TFEB: variants seen among roughly 807,000 people sequenced by gnomAD.
TFEB encodes T-cell transcription factor EB.
Under a neutral mutation model 48.0 loss-of-function variants are expected in TFEB, and 12 were observed. The observed-to-expected ratio is 0.25, with a 90% CI of 0.16 to 0.40. The LOEUF (loss-of-function observed/expected upper bound fraction) is 0.40. Ranked by LOEUF, TFEB falls within the 10% of genes least tolerant of loss-of-function variation. The probability of loss-of-function intolerance (pLI) is 1.00; values close to 1 mark genes in which losing one functional copy is unlikely to be tolerated. For missense variants in TFEB, 509 were observed against 640.3 expected (o/e 0.79, Z 2.21); for synonymous variants, 244 against 261.4 (o/e 0.93, Z 0.64).
At chr6:41,699,564 C>T (rs1392800948) in intron 1 of TFEB, among the ~76,000 whole-genome samples, 1 of 152,234 alleles carries the variant, frequency 6.6e-6, no homozygotes, top group African/African-American at 2.4e-5. Flanking sequence ...TATATCATGT[C>T]ATTCACTGCA....
chr6:41,728,667 T>C (rs1487486486), intron 1 of TFEB, among the ~76,000 whole-genome samples: 1 of 149,322 alleles, frequency 6.7e-6, no homozygotes, highest in Non-Finnish European at 1.5e-5. Context: ...ACAGACCCAC[T>C]GGTAGAACTC....
At chr6:41,689,416 C>A (rs2127447552) in intron 4 of TFEB, among the ~76,000 whole-genome samples, 1 of 152,294 alleles carries the variant, frequency 6.6e-6, no homozygotes, top group South Asian at 2.1e-4. Flanking sequence ...TCCACCCATG[C>A]AGTGCTCTCC....
chr6:41,714,144 TGTGTGCATGTGCATGC>T (rs1770616616), intron 1 of TFEB, among the ~76,000 whole-genome samples: 1 of 149,714 alleles, frequency 6.7e-6, no homozygotes, highest in Non-Finnish European at 1.5e-5. Flanking sequence ...TGTGTGCGTG[TGTGTGCATGTGCATGC>T]GTGTGCATGT....
At chr6:41,701,877 A>G (rs1769942772) in intron 1 of TFEB, among the ~76,000 whole-genome samples, 1 of 149,708 alleles carries the variant, frequency 6.7e-6, no homozygotes, top group African/African-American at 2.5e-5. Flanking sequence ...CTCAGGAGGC[A>G]GAGGTTGTAA....
intron 1 of TFEB, chr6:41,733,396 C>G (rs1217149092): frequency 6.0e-6 from 1 of 165,420 alleles, no homozygotes; most frequent in East Asian, 1.9e-4. Context: ...AACCAAGATA[C>G]CTGGGTCCCC....
rs756293100 is a variant in TFEB, at chr6:41,684,781, G to C, written c.1249C>G (p.Leu417Val). Reference protein sequence around the residue: ...DEGPPGYPEPLAPGHGSPFPS... With the variant: ...DEGPPGYPEPVAPGHGSPFPS... ...AATGGGGAGCCATGCCCCGGCGCCA[G>C]GGGTTCGGGGTAGCCCGGGGGACCC... Residue 417 changes from leucine to valine, a missense_variant, in exon 9 of 9, where the codon CTG (leucine) becomes GTG (valine). Around this residue, in one of 4 missense-constraint regions of TFEB, gnomAD observed 168 missense variants for 161.0 expected, o/e 1.04. Transcript: ENST00000373033. The C allele has an allele frequency of 6.2e-7, 1 of 1,610,616 alleles. No homozygotes were observed. Among genetic ancestry groups the C allele is most frequent in the Admixed American group, 1.7e-5 (1 of 59,532 alleles).
At chr6:41,728,979 T>C (rs1581938565) in intron 1 of TFEB, among the ~76,000 whole-genome samples, 1 of 152,088 alleles carries the variant, frequency 6.6e-6, no homozygotes, top group African/African-American at 2.4e-5. Flanking sequence ...AGCCACTATA[T>C]ATGAGGCTCT....
intron 1 of TFEB, among the ~76,000 whole-genome samples, chr6:41,726,808 T>C (rs552503303): frequency 6.6e-6 from 1 of 152,370 alleles, no homozygotes; most frequent in African/African-American, 2.4e-5. Flanking sequence ...AACTATGCTA[T>C]ATTTCACAAT....
Position 41,684,522 on chromosome 6 carries a change from A to G in TFEB, c.*77T>C. 1 of 1,484,302 alleles carries G rather than the reference A, an allele frequency of 6.7e-7. No homozygotes were observed. Among genetic ancestry groups the G allele is most frequent in the Non-Finnish European group, 8.9e-7 (1 of 1,119,174 alleles). 91.9% of individuals were successfully genotyped at this position (1,484,302 alleles called of 1,614,324 possible). On this transcript the variant is annotated 3_prime_UTR_variant, in exon 9 of 9. Transcript: ENST00000373033. ...GCTACTTCACACACAGTGCAGCCTG[A>G]AGGGTGGGAGGGAGGTGCCCCTGGC...
chr6:41,709,869 T>G (rs939954023), intron 1 of TFEB, among the ~76,000 whole-genome samples: 3 of 152,154 alleles, frequency 2.0e-5, no homozygotes, highest in African/African-American at 7.2e-5. Flanking sequence ...TCACTGCAGC[T>G]TCACCCTTCC....
intron 1 of TFEB, among the ~76,000 whole-genome samples, chr6:41,714,140 CGTGT>C (rs58309528): frequency 6.9e-6 from 1 of 144,676 alleles, no homozygotes; most frequent in Non-Finnish European, 1.5e-5. Context: ...TGCATGTGTG[CGTGT>C]GTGTGCATGT....
intron 1 of TFEB, among the ~76,000 whole-genome samples, chr6:41,702,554 C>G (rs1224292438): frequency 6.6e-6 from 1 of 152,164 alleles, no homozygotes; most frequent in African/African-American, 2.4e-5. Flanking sequence ...CTGGCCCACC[C>G]CAGCGAACCT....
Position 41,724,864 on chromosome 6 carries a change from T to C in TFEB, c.-23+10486A>G, listed in dbSNP as rs920803103. On this transcript the variant is annotated intron_variant, in intron 1 of 8. Transcript: ENST00000373033. The surrounding 1 kb of genome is among the most constrained non-coding windows in gnomAD (Gnocchi z 4.4). ...CAGCAGCACGAACCAGGACTGAGGT[T>C]CACAGCGGTCACCTGATGCCTCCAG... 1.3e-5 allele frequency among the ~76,000 whole-genome samples: 2 copies of C among 152,116 alleles called. No individual in the cohort carries two copies. The highest frequency in any genetic ancestry group is 1.3e-4 in the Admixed American group (2 of 15,284).
chr6:41,725,690 C>T (rs906480375), intron 1 of TFEB, among the ~76,000 whole-genome samples: 15 of 152,198 alleles, frequency 9.9e-5, no homozygotes, highest in Admixed American at 2.6e-4. Flanking sequence ...ATGCTTCTTT[C>T]CTTGTAAATT....
rs1403481871 is a variant in TFEB, at chr6:41,724,438, A to C, written c.-23+10912T>G. The stretch of plus-strand genomic sequence containing the variant: ...GCAGGCCGTGGCTCCTGGAGAAGGC[A>C]GGAGATGCCAGCAATGTGAGGGAAG... On this transcript the variant is annotated intron_variant, in intron 1 of 8. Coordinates refer to ENST00000373033, the MANE Select transcript of TFEB (RefSeq NM_001271944.2). The surrounding 1 kb of genome is among the most constrained non-coding windows in gnomAD (Gnocchi z 4.4). Among the ~76,000 whole-genome samples, 1 of 152,134 alleles carries C rather than the reference A, an allele frequency of 6.6e-6. No individual in the cohort carries two copies. Among genetic ancestry groups the C allele is most frequent in the Non-Finnish European group, 1.5e-5 (1 of 68,006 alleles).
chr6:41,699,775 G>A (rs1319752030), intron 1 of TFEB, among the ~76,000 whole-genome samples: 1 of 152,222 alleles, frequency 6.6e-6, no homozygotes, highest in African/African-American at 2.4e-5. Context: ...TTGATTGAAA[G>A]GTCCTTGATA....
At chr6:41,693,902 C>G (rs1236376939) in intron 1 of TFEB, among the ~76,000 whole-genome samples, 1 of 152,106 alleles carries the variant, frequency 6.6e-6, no homozygotes, top group Non-Finnish European at 1.5e-5. Context: ...GCCCACCACA[C>G]GCACACTAGC....
At chr6:41,710,324 T>C (rs1183855929) in intron 1 of TFEB, among the ~76,000 whole-genome samples, 1 of 152,046 alleles carries the variant, frequency 6.6e-6, no homozygotes. Flanking sequence ...TCTCAGCAAG[T>C]CCAACTCCAC....
intron 1 of TFEB, among the ~76,000 whole-genome samples, chr6:41,703,647 GA>G (rs1770052842): frequency 6.6e-6 from 1 of 152,254 alleles, no homozygotes; most frequent in Admixed American, 6.5e-5. Context: ...AATGGAGGAA[GA>G]AAGGACAAAA....
Sources: allele counts gnomAD v4.1 joint callset (sites outside exome capture counted in the v4.1 genomes callset), GRCh38; gene constraint gnomAD v4.1.1; regional missense constraint gnomAD v4.1.1; non-coding constraint Gnocchi (gnomAD v3.1); transcripts MANE v1.5; gene names NCBI Gene and HGNC (gene_info 2026-07-23, HGNC 2026-07-21).